Variants in TMEM117 observed in about 807,000 individuals in gnomAD.
TMEM117 encodes the protein transmembrane protein 117.
A neutral mutation model predicts 52.4 loss-of-function variants in TMEM117; 27 were observed. The observed-to-expected ratio is 0.51, with a 90% CI of 0.38 to 0.71. The LOEUF is 0.71. Ranked by LOEUF, TMEM117 falls within the 30% of genes least tolerant of loss-of-function variation. The pLI is 0.00. For synonymous variants in TMEM117, 215 were observed against 206.3 expected, an observed-to-expected ratio of 1.04 and a Z score of -0.36; for missense variants, 556 against 630.5, an observed-to-expected ratio of 0.88 and a Z score of 1.26.
chr12:44,238,066 C>CA (rs1950019619), intron 5 of TMEM117, among the ~76,000 whole-genome samples: 1 of 152,130 alleles, frequency 6.6e-6, no homozygotes, highest in Non-Finnish European at 1.5e-5. Context: ...TTCTTTCTTA[C>CA]ATATCATCAT....
chr12:44,218,095 A>G (rs1208922692), intron 5 of TMEM117, among the ~76,000 whole-genome samples: 1 of 152,046 alleles, frequency 6.6e-6, no homozygotes, highest in East Asian at 1.9e-4. Flanking sequence ...GTGGTGGCAC[A>G]TGCCTGTAAT....
chr12:43,883,774 A>AAC (rs1857975593), intron 2 of TMEM117, among the ~76,000 whole-genome samples: 1 of 147,204 alleles, frequency 6.8e-6, no homozygotes, highest in African/African-American at 2.5e-5. Context: ...AAAAAAAAAC[A>AAC]AAAAACAAAA....
At chr12:43,798,355 T>G in the TMEM117 span, among the ~76,000 whole-genome samples, 6 of 152,208 alleles carry the variant, frequency 3.9e-5, no homozygotes, top group Middle Eastern at 6.8e-3. Context: ...ATGGTGTGCA[T>G]GTACTGGAAG....
intron 3 of TMEM117, among the ~76,000 whole-genome samples, chr12:44,120,403 T>C (rs1191079502): frequency 2.0e-5 from 3 of 152,138 alleles, no homozygotes; most frequent in Non-Finnish European, 2.9e-5. Flanking sequence ...TAGTATAAGG[T>C]TCACCAGGTA....
intron 3 of TMEM117, among the ~76,000 whole-genome samples, chr12:43,953,825 TC>T (rs929545255): frequency 6.6e-6 from 1 of 151,720 alleles, no homozygotes; most frequent in Admixed American, 6.6e-5. Flanking sequence ...TACAGAACTC[TC>T]CCCCCCAAAA....
intron 5 of TMEM117, among the ~76,000 whole-genome samples, chr12:44,296,015 T>C (rs1036578456): frequency 6.6e-6 from 1 of 152,180 alleles, no homozygotes; most frequent in Non-Finnish European, 1.5e-5. Flanking sequence ...CCCAGCCTGC[T>C]AGGATTGGTT....
intron 5 of TMEM117, chr12:44,244,311 A>T (rs984499670): frequency 1.3e-5 from 2 of 152,026 alleles, no homozygotes; most frequent in Admixed American, 1.3e-4. Context: ...GATAATAGCT[A>T]TTCTAACAGG....
intron 6 of TMEM117, among the ~76,000 whole-genome samples, chr12:44,359,698 A>G (rs976816974): frequency 6.6e-6 from 1 of 152,050 alleles, no homozygotes; most frequent in African/African-American, 2.4e-5. Context: ...CCGGGAATAG[A>G]ATTACCAGAT....
intron 2 of TMEM117, among the ~76,000 whole-genome samples, chr12:43,860,612 A>T (rs1943471910): frequency 1.3e-5 from 2 of 152,250 alleles, no homozygotes; most frequent in Admixed American, 6.5e-5. Flanking sequence ...AGGGCAGGGC[A>T]GCCCTGAAAG....
At chr12:43,910,218 A>G (rs1402218488) in intron 2 of TMEM117, among the ~76,000 whole-genome samples, 1 of 151,922 alleles carries the variant, frequency 6.6e-6, no homozygotes, top group East Asian at 1.9e-4. Flanking sequence ...GTAATCCAGC[A>G]TATAAGCAGA....
At chr12:44,039,282 A>G (rs1946760525) in intron 3 of TMEM117, among the ~76,000 whole-genome samples, 1 of 151,938 alleles carries the variant, frequency 6.6e-6, no homozygotes, top group Non-Finnish European at 1.5e-5. Flanking sequence ...CAAATCTGTG[A>G]GATCTGTTTC....
chr12:44,267,454 C>A (rs1215381091), intron 5 of TMEM117, among the ~76,000 whole-genome samples: 1 of 152,164 alleles, frequency 6.6e-6, no homozygotes, highest in Non-Finnish European at 1.5e-5. Context: ...CCATCAACCA[C>A]AATCTATGCC....
intron 5 of TMEM117, among the ~76,000 whole-genome samples, chr12:44,241,492 C>T (rs546967292): frequency 5.3e-5 from 8 of 151,958 alleles, no homozygotes; most frequent in Admixed American, 1.3e-4. Context: ...TTTTTTGCCA[C>T]GCAGAAATAT....
intron 2 of TMEM117, among the ~76,000 whole-genome samples, chr12:43,859,664 A>G (rs934245363): frequency 2.0e-5 from 3 of 152,162 alleles, no homozygotes; most frequent in Non-Finnish European, 4.4e-5. Flanking sequence ...ACCTCAAGTG[A>G]TCAAGGCTTG....
intron 5 of TMEM117, chr12:44,264,097 A>G (rs1405221977): frequency 6.6e-6 from 1 of 152,220 alleles, no homozygotes; most frequent in Non-Finnish European, 1.5e-5. Flanking sequence ...CTGTCTACAT[A>G]TACAAAAGAT....
chr12:43,995,974 A>G (rs1946023561), intron 3 of TMEM117, among the ~76,000 whole-genome samples: 1 of 152,188 alleles, frequency 6.6e-6, no homozygotes, highest in Non-Finnish European at 1.5e-5. Context: ...ACTTTGTCTC[A>G]TTCCCCTGGA....
At chr12:43,999,038 C>G (rs1196986430) in intron 3 of TMEM117, among the ~76,000 whole-genome samples, 18 of 152,178 alleles carry the variant, frequency 1.2e-4, no homozygotes, top group Admixed American at 1.2e-3. Flanking sequence ...AAGACAATCT[C>G]AAATGTTGAC....
rs931333767 is a variant in TMEM117, at chr12:44,389,557, A to G, written c.*885A>G. On this transcript the variant is annotated 3_prime_UTR_variant, in exon 8 of 8. Coordinates refer to ENST00000266534, the MANE Select transcript of TMEM117 (RefSeq NM_032256.3). The stretch of plus-strand genomic sequence containing the variant: ...AATATTCGTATATCTTTCTGCAAAT[A>G]TGGCTCTGGATAGTGAAAATTGAAA... 7 of 152,526 alleles carry G rather than the reference A, an allele frequency of 4.6e-5. No homozygotes were observed. The highest frequency in any genetic ancestry group is 1.7e-4 in the African/African-American group (7 of 41,444). The allele number at this position is 152,526 out of a possible 1,614,324, so 9.4% of individuals were successfully genotyped here. A position where few individuals can be genotyped will look rare whatever the true frequency, so the allele number is the denominator to read the frequency against.
At chr12:44,129,619 T>TA (rs1485150595) in intron 3 of TMEM117, among the ~76,000 whole-genome samples, 1 of 152,190 alleles carries the variant, frequency 6.6e-6, no homozygotes, top group Admixed American at 6.5e-5. Context: ...GAAGCAAATA[T>TA]AAATTTTTAT....
Sources: allele counts gnomAD v4.1 joint callset (sites outside exome capture counted in the v4.1 genomes callset), GRCh38; gene constraint gnomAD v4.1.1; transcripts MANE v1.5; gene names NCBI Gene and HGNC (gene_info 2026-07-23, HGNC 2026-07-21).